GALNT17: variants seen among roughly 807,000 people sequenced by gnomAD.
GALNT17 encodes the protein polypeptide N-acetylgalactosaminyltransferase 17, also known as UDP-GalNAc:polypeptide N-acetylgalactosaminyltransferase-like 3.
In GALNT17, 29 loss-of-function variants were observed where a neutral mutation model predicts 63.7. That is an observed-to-expected ratio of 0.46 (90% confidence interval 0.34 to 0.62). The LOEUF is 0.62. GALNT17 is among the 20% of genes least tolerant of loss of function. The pLI is 0.01. For missense variants in GALNT17, 603 were observed against 799.6 expected (o/e 0.75, Z 2.97); for synonymous variants, 305 against 318.3 (o/e 0.96, Z 0.45).
chr7:71,177,882 T>G (rs927397850), intron 1 of GALNT17, among the ~76,000 whole-genome samples: 1 of 152,192 alleles, frequency 6.6e-6, no homozygotes, highest in Non-Finnish European at 1.5e-5. Flanking sequence ...AATCTATATA[T>G]ATTTATGTTA....
At chr7:71,683,175 C>T (rs994380117) in intron 9 of GALNT17, among the ~76,000 whole-genome samples, 3 of 152,144 alleles carry the variant, frequency 2.0e-5, no homozygotes, top group Admixed American at 6.6e-5. Flanking sequence ...AAGTGGGCCC[C>T]GGCTGCTTTC....
chr7:71,411,151 C>G (rs1284838839), intron 3 of GALNT17, among the ~76,000 whole-genome samples: 1 of 151,578 alleles, frequency 6.6e-6, no homozygotes, highest in Non-Finnish European at 1.5e-5. Context: ...GAGAGAGTCT[C>G]GCTCTGTCAC....
intron 1 of GALNT17, among the ~76,000 whole-genome samples, chr7:71,145,361 T>C (rs897953528): frequency 6.6e-6 from 1 of 152,112 alleles, no homozygotes; most frequent in African/African-American, 2.4e-5. Context: ...CTGGGCATGG[T>C]GGTGCACACC....
chr7:71,526,498 T>C (rs1788627029), intron 5 of GALNT17, among the ~76,000 whole-genome samples: 1 of 152,104 alleles, frequency 6.6e-6, no homozygotes, highest in Non-Finnish European at 1.5e-5. Context: ...AATTTTTATT[T>C]TTTATTTTTT....
chr7:71,301,281 T>C (rs975211600), intron 1 of GALNT17, among the ~76,000 whole-genome samples: 5 of 151,106 alleles, frequency 3.3e-5, no homozygotes, highest in African/African-American at 1.2e-4. Flanking sequence ...AGTGAGACCC[T>C]GCCTGATTAC....
At chr7:71,626,430 C>A (rs976712213) in intron 6 of GALNT17, among the ~76,000 whole-genome samples, 1 of 152,172 alleles carries the variant, frequency 6.6e-6, no homozygotes, top group Non-Finnish European at 1.5e-5. Context: ...AATCACCAGT[C>A]TTTGGGACTT....
At chr7:71,190,019 GC>G (rs1263889691) in intron 1 of GALNT17, among the ~76,000 whole-genome samples, 16 of 152,094 alleles carry the variant, frequency 1.1e-4, no homozygotes, top group Non-Finnish European at 2.9e-5. Context: ...CACTGTGTTA[GC>G]CAGGATGGTC....
chr7:71,245,848 G>GTTTTTTTTTTTTTTTTTTTTTTTTTTT lies in GALNT17; in HGVS notation c.239-89686_239-89685insTTTTTTTTTTTTTTTTTTTTTTTTTTT, dbSNP rs542136452. 4.9e-4 allele frequency among the ~76,000 whole-genome samples: 60 copies of GTTTTTTTTTTTTTTTTTTTTTTTTTTT among 122,876 alleles called. 4 individuals carry two copies. Among genetic ancestry groups the GTTTTTTTTTTTTTTTTTTTTTTTTTTT allele is most frequent in the Non-Finnish European group, 7.9e-4 (45 of 56,760 alleles). 80.6% of individuals were successfully genotyped at this position (122,876 alleles called of 152,430 possible). ...AGGTCTGCAGAGAGCAAGAGAGCAG[G>GTTTTTTTTTTTTTTTTTTTTTTTTTTT]TTTTTTTTTTTTTTTTGCAAAGGTA... is the stretch of plus-strand genomic sequence containing the variant. On this transcript the variant is annotated intron_variant, in intron 1 of 10. Transcript: ENST00000333538.
intron 1 of GALNT17, among the ~76,000 whole-genome samples, chr7:71,221,921 T>TG (rs1159198137): frequency 6.6e-6 from 1 of 150,634 alleles, no homozygotes; most frequent in Non-Finnish European, 1.5e-5. Context: ...TTTTTTTTTT[T>TG]TTTTTTTTTT....
At chr7:71,409,155 T>A (rs1421713130) in intron 3 of GALNT17, among the ~76,000 whole-genome samples, 1 of 151,854 alleles carries the variant, frequency 6.6e-6, no homozygotes, top group Non-Finnish European at 1.5e-5. Context: ...GTTTTTTAGA[T>A]GAGGCAGGAC....
At chr7:71,182,560 T>G (rs1788754356) in intron 1 of GALNT17, among the ~76,000 whole-genome samples, 1 of 152,168 alleles carries the variant, frequency 6.6e-6, no homozygotes, top group South Asian at 2.1e-4. Flanking sequence ...ATTTAACATT[T>G]GTAGGCAATC....
At chr7:71,302,848 G>A (rs1256808776) in intron 1 of GALNT17, among the ~76,000 whole-genome samples, 3 of 152,082 alleles carry the variant, frequency 2.0e-5, no homozygotes, top group African/African-American at 7.2e-5. Flanking sequence ...CAGTGGATTA[G>A]GCGAGTCATA....
At chr7:71,476,908 G>C (rs368321944) in intron 5 of GALNT17, among the ~76,000 whole-genome samples, 3 of 152,134 alleles carry the variant, frequency 2.0e-5, no homozygotes, top group Non-Finnish European at 4.4e-5. Context: ...ACATCTTTCA[G>C]ATCCCACAGG....
chr7:71,672,469 T>C (rs992341694), intron 8 of GALNT17, among the ~76,000 whole-genome samples: 1 of 152,230 alleles, frequency 6.6e-6, no homozygotes, highest in Non-Finnish European at 1.5e-5. Flanking sequence ...ATCAACTGAG[T>C]AGAGAAATAA....
chr7:71,221,791 A>G (rs376440860), intron 1 of GALNT17, among the ~76,000 whole-genome samples: 25 of 152,334 alleles, frequency 1.6e-4, no homozygotes, highest in Admixed American at 1.0e-3. Context: ...GGAAAGTTGC[A>G]AAGATAATAC....
At chr7:71,393,396 G>C (rs1793084090) in intron 3 of GALNT17, among the ~76,000 whole-genome samples, 1 of 152,012 alleles carries the variant, frequency 6.6e-6, no homozygotes, top group African/African-American at 2.4e-5. Flanking sequence ...AATATAATTG[G>C]AAAAAAATAA....
chr7:71,261,074 G>T (rs1790376688), intron 1 of GALNT17, among the ~76,000 whole-genome samples: 1 of 152,212 alleles, frequency 6.6e-6, no homozygotes. Context: ...GGAAGCCCTT[G>T]GACAGTTGGA....
At chr7:71,222,143 G>T (rs974769871) in intron 1 of GALNT17, among the ~76,000 whole-genome samples, 2 of 151,892 alleles carry the variant, frequency 1.3e-5, no homozygotes, top group Non-Finnish European at 2.9e-5. Context: ...TTGACCTCAG[G>T]TGATCAGCCA....
At position 71,688,100 on chromosome 7, in the gene GALNT17, G is replaced by A. The variant is rs149947911; in HGVS notation, c.1500+10794G>A. On this transcript the variant is annotated intron_variant, in intron 9 of 10. Coordinates refer to ENST00000333538, the MANE Select transcript of GALNT17 (RefSeq NM_022479.3). Reference sequence around the variant, plus strand: ...ATGGTGTTCTATGTATCTGAAATTCGACACCACAGAGGTTCTGAACCACTT... The same window carrying A: ...ATGGTGTTCTATGTATCTGAAATTCAACACCACAGAGGTTCTGAACCACTT... Among the ~76,000 whole-genome samples, 152 of 152,212 alleles carry A rather than the reference G, an allele frequency of 1.0e-3. 4 individuals are homozygous for A. The East Asian group carries it at 0.024, about 25-fold the overall frequency.
Sources: gnomAD v4.1 joint callset for allele counts (sites outside exome capture counted in the v4.1 genomes callset) on GRCh38, gnomAD v4.1.1 for gene constraint, MANE v1.5 for transcripts, NCBI Gene and HGNC (gene_info 2026-07-23, HGNC 2026-07-21) for gene names.